DLGAP4: variants seen among roughly 807,000 people sequenced by gnomAD.
DLGAP4 encodes disks large-associated protein 4.
DLGAP4 carries 18 observed loss-of-function variants against 86.9 expected under a neutral mutation model. The observed-to-expected ratio is 0.21, with a 90% CI of 0.14 to 0.31. The LOEUF (loss-of-function observed/expected upper bound fraction) is 0.31. Ranked by LOEUF, DLGAP4 falls within the 10% of genes least tolerant of loss-of-function variation. The probability of loss-of-function intolerance (pLI) is 1.00; values close to 1 mark genes in which losing one functional copy is unlikely to be tolerated. For missense variants in DLGAP4, 1,085 were observed against 1,362.6 expected (o/e 0.80, Z 3.21); for synonymous variants, 548 against 574.3 (o/e 0.95, Z 0.65).
At chr20:36,444,569 G>A (rs538496768) in intron 6 of DLGAP4, among the ~76,000 whole-genome samples, 81 of 152,246 alleles carry the variant, frequency 5.3e-4, no homozygotes, top group Non-Finnish European at 1.0e-3. Context: ...GAGCCACTGT[G>A]CCTGGCTTAC....
At chr20:36,378,191 C>T (rs945123571) in intron 2 of DLGAP4, among the ~76,000 whole-genome samples, 3 of 152,278 alleles carry the variant, frequency 2.0e-5, no homozygotes, top group Middle Eastern at 3.4e-3. Context: ...AGGTTTGGGA[C>T]GGTAGATACC....
chr20:36,324,085 T>G (rs1555890859), intron 1 of DLGAP4, among the ~76,000 whole-genome samples: 1 of 152,216 alleles, frequency 6.6e-6, no homozygotes, highest in Non-Finnish European at 1.5e-5. Context: ...AAGAAACAGT[T>G]GCCTAATTCA....
At chr20:36,405,864 G>A (rs977761888) in intron 2 of DLGAP4, among the ~76,000 whole-genome samples, 35 of 152,234 alleles carry the variant, frequency 2.3e-4, no homozygotes, top group Admixed American at 1.4e-3. Context: ...CAAGAAACAC[G>A]CCAGGCTGGT....
chr20:36,495,933 T>G (rs1279757630), intron 7 of DLGAP4, among the ~76,000 whole-genome samples: 1 of 152,080 alleles, frequency 6.6e-6, no homozygotes, highest in Non-Finnish European at 1.5e-5. Context: ...AGTGCAATGG[T>G]GCAACCTCGG....
Position 36,399,828 on chromosome 20 carries a change from G to C in DLGAP4, c.-72-31818G>C, listed in dbSNP as rs556365254. 1.2e-4 allele frequency among the ~76,000 whole-genome samples: 19 copies of C among 152,284 alleles called. No homozygotes were observed. The South Asian group carries it at 3.7e-3, about 30-fold the overall frequency. On this transcript the variant is annotated intron_variant, in intron 2 of 12. Transcript: ENST00000339266. ...ACAGGTGTAGGAAATACAGCTGGTG[G>C]TGAGCTCTGAATCTGCTAGTCAGGC...
intron 8 of DLGAP4, chr20:36,499,353 C>CCCCCA: frequency 1.2e-6 from 2 of 1,601,920 alleles, no homozygotes. Context: ...CACCCCATCC[C>CCCCCA]ACCTCCCGCC....
chr20:36,521,938 T>C (rs1221187759), intron 10 of DLGAP4, among the ~76,000 whole-genome samples: 2 of 152,252 alleles, frequency 1.3e-5, no homozygotes, highest in Non-Finnish European at 2.9e-5. Flanking sequence ...TCTTTCTTGA[T>C]GAGCTCTTGT....
intron 9 of DLGAP4, 52 bp downstream of exon 9, chr20:36,499,728 C>A (rs550336958): frequency 1.4e-6 from 2 of 1,467,170 alleles, no homozygotes; most frequent in South Asian, 2.4e-5. Flanking sequence ...TCCCTCCCTC[C>A]GCTCTCACCT....
intron 1 of DLGAP4, among the ~76,000 whole-genome samples, chr20:36,340,640 C>T (rs567317073): frequency 6.6e-6 from 1 of 152,196 alleles, no homozygotes; most frequent in Non-Finnish European, 1.5e-5. Context: ...TGTCCCCACC[C>T]CTGCCCACCC....
intron 7 of DLGAP4, chr20:36,461,452 G>GA (rs2034040698): frequency 1.3e-5 from 11 of 833,864 alleles, no homozygotes; most frequent in Non-Finnish European, 1.3e-5. Flanking sequence ...TTAACCCGGA[G>GA]CCCCGCCCCT....
intron 11 of DLGAP4, among the ~76,000 whole-genome samples, chr20:36,525,250 A>AC (rs2037662674): frequency 3.0e-5 from 2 of 66,590 alleles, no homozygotes; most frequent in Admixed American, 1.7e-4. Context: ...AAAAAAAAAA[A>AC]AAAACAAAGA....
intron 7 of DLGAP4, among the ~76,000 whole-genome samples, chr20:36,463,622 G>A (rs2034201986): frequency 6.6e-6 from 1 of 152,218 alleles, no homozygotes; most frequent in South Asian, 2.1e-4. Context: ...CGTGCCCATC[G>A]GGATGTCTGT....
intron 9 of DLGAP4, 81 bp downstream of exon 9, chr20:36,499,757 C>T (rs1368675976): frequency 7.5e-7 from 1 of 1,330,760 alleles, no homozygotes; most frequent in Admixed American, 2.0e-5. Flanking sequence ...CTCCCTAACC[C>T]ACTTCTCCTT....
At chr20:36,453,292 C>CA (rs1056269438) in intron 7 of DLGAP4, among the ~76,000 whole-genome samples, 5 of 152,138 alleles carry the variant, frequency 3.3e-5, no homozygotes, top group African/African-American at 4.8e-5. Context: ...TCCATCTCTA[C>CA]AAAAAATTTT....
At chr20:36,345,501 C>T (rs1470064677) in intron 1 of DLGAP4, among the ~76,000 whole-genome samples, 1 of 152,212 alleles carries the variant, frequency 6.6e-6, no homozygotes, top group African/African-American at 2.4e-5. Context: ...GGTCACTTCT[C>T]TTCTCTCTCA....
At chr20:36,443,538 T>A (rs1394150035) in intron 6 of DLGAP4, among the ~76,000 whole-genome samples, 2 of 152,116 alleles carry the variant, frequency 1.3e-5, no homozygotes, top group African/African-American at 4.8e-5. Context: ...CTCTCCCCCA[T>A]GTCACAGAAG....
chr20:36,352,475 G>T lies in DLGAP4; in HGVS notation c.-303-14570G>T, dbSNP rs374022103. On this transcript the variant is annotated intron_variant, in intron 1 of 12. Transcript: ENST00000339266. ...GCAGAGGTGGGGGTGGGGAGGGCCG[G>T]CTGGATTCTAGAGATGTTTTGAAGG... 1.6e-3 allele frequency among the ~76,000 whole-genome samples: 239 copies of T among 152,046 alleles called. 3 individuals are homozygous for T. The highest frequency in any genetic ancestry group is 5.3e-3 in the African/African-American group (219 of 41,450).
intron 8 of DLGAP4, 194 bp downstream of exon 8, chr20:36,497,260 G>T (rs2035929238): frequency 1.9e-5 from 19 of 985,424 alleles, no homozygotes; most frequent in Non-Finnish European, 2.3e-5. Context: ...CACACGTGCT[G>T]CTGGTCAGCA....
Position 36,496,999 on chromosome 20 carries a change from C to T in DLGAP4, c.1943C>T (p.Thr648Met), listed in dbSNP as rs1555912020. ...KHAALKSEQG[T>M]LTSSESHPEA... The stretch of plus-strand genomic sequence containing the variant: ...GCAGCTCTGAAAAGTGAACAAGGGA[C>T]GCTGACCAGCTCTGAGTCCCACCCC... The change falls in exon 8 of 13, where the codon ACG (threonine) becomes ATG (methionine). Residue 648 changes from threonine (T) to methionine (M), a missense_variant. Transcript: ENST00000339266. 19 of 1,614,086 alleles carry T rather than the reference C, an allele frequency of 1.2e-5. No individual in the cohort carries two copies. Among genetic ancestry groups the T allele is most frequent in the Non-Finnish European group, 1.4e-5 (16 of 1,180,006 alleles).
Sources: allele counts gnomAD v4.1 joint callset (sites outside exome capture counted in the v4.1 genomes callset), GRCh38; gene constraint gnomAD v4.1.1; transcripts MANE v1.5; gene names NCBI Gene and HGNC (gene_info 2026-07-23, HGNC 2026-07-21).